TENM1: variants seen among roughly 807,000 people sequenced by gnomAD.
The protein encoded by TENM1 is teneurin transmembrane protein 1, also known as teneurin-1.
TENM1 carries 35 observed loss-of-function variants against 174.8 expected under a neutral mutation model. The ratio of observed to expected loss-of-function variants is 0.20; its 90% CI spans 0.15 to 0.27. TENM1 has a LOEUF of 0.27. TENM1 is among the 10% of genes least tolerant of loss of function. The probability of loss-of-function intolerance (pLI) is 1.00; values close to 1 mark genes in which losing one functional copy is unlikely to be tolerated. For missense variants in TENM1, 1,633 were observed against 2,130.1 expected, an observed-to-expected ratio of 0.77 and a Z score of 4.59; for synonymous variants, 781 against 798.7, an observed-to-expected ratio of 0.98 and a Z score of 0.37.
At chrX:125,136,486 G>A in the TENM1 span, among the ~76,000 whole-genome samples, 1 of 111,938 alleles carries the variant, frequency 8.9e-6, no homozygotes, top group African/African-American at 3.2e-5. Flanking sequence ...GAGCCTCAGA[G>A]AGGTTAAGTA....
At chrX:125,034,048 A>G in the TENM1 span, among the ~76,000 whole-genome samples, 3 of 111,512 alleles carry the variant, frequency 2.7e-5, no homozygotes, top group African/African-American at 9.8e-5. Context: ...CCCATTTTAT[A>G]GCTGTAGAAA....
the TENM1 span, among the ~76,000 whole-genome samples, chrX:125,008,912 G>T: frequency 2.3e-4 from 26 of 111,098 alleles, no homozygotes; most frequent in African/African-American, 7.9e-4. Flanking sequence ...TAGCACTAAA[G>T]GCCCACATCA....
In TENM1 at chrX:124,848,154, TTCTC is replaced by T. The variant is rs780739610; in HGVS notation, c.535+46138_535+46141del. 1.6e-3 allele frequency among the ~76,000 whole-genome samples: 180 copies of T among 111,271 alleles called. 1 individual carries two copies. The highest frequency in any genetic ancestry group is 5.7e-3 in the African/African-American group (176 of 30,669). ...TCACTCTCTAAATGAGCTATTCTCA[TTCTC>T]TCTTTCTTCCTCCCTCCCCACACAT... On this transcript the variant is annotated intron_variant, in intron 3 of 31. Transcript: ENST00000422452.
At chrX:125,104,206 A>G in the TENM1 span, among the ~76,000 whole-genome samples, 3 of 111,810 alleles carry the variant, frequency 2.7e-5, no homozygotes, top group Admixed American at 1.9e-4. Flanking sequence ...TTTAAGGGTC[A>G]GTGACATCCT....
At chrX:125,042,871 T>C in the TENM1 span, among the ~76,000 whole-genome samples, 57 of 111,233 alleles carry the variant, frequency 5.1e-4, no homozygotes, top group African/African-American at 1.8e-3. Context: ...TCTGGATGGA[T>C]GATAGGTGCC....
intron 15 of TENM1, among the ~76,000 whole-genome samples, chrX:124,545,677 C>A (rs757579499): frequency 2.7e-5 from 3 of 111,635 alleles, no homozygotes; most frequent in African/African-American, 9.8e-5. Context: ...TCTAAATAAT[C>A]ACTTTGACTA....
intron 4 of TENM1, among the ~76,000 whole-genome samples, chrX:124,711,840 C>A (rs2148505364): frequency 9.0e-6 from 1 of 111,316 alleles, no homozygotes; most frequent in East Asian, 2.8e-4. Context: ...ACACTATATC[C>A]CCATTAAACA....
At chrX:124,553,678 C>A (rs1484153143) in intron 14 of TENM1, among the ~76,000 whole-genome samples, 1 of 103,025 alleles carries the variant, frequency 9.7e-6, no homozygotes, top group South Asian at 4.5e-4. Context: ...CACCTTCTAT[C>A]ATAATATGTA....
intron 23 of TENM1, among the ~76,000 whole-genome samples, chrX:124,440,865 A>C (rs914754275): frequency 2.7e-5 from 3 of 111,529 alleles, no homozygotes; most frequent in Admixed American, 9.5e-5. Context: ...GCTCTGTGAC[A>C]GCATAATTTG....
chrX:124,981,873 G>GAAGCAACCAAGTGAACTAAAAATGT, the TENM1 span, among the ~76,000 whole-genome samples: 1 of 82,734 alleles, frequency 1.2e-5, no homozygotes, highest in Non-Finnish European at 2.2e-5. Flanking sequence ...GCAAAAACAG[G>GAAGCAACCAAGTGAACTAAAAATGT]TGCAGCGCAC....
chrX:124,492,740 G>C (rs1306551939), intron 20 of TENM1, among the ~76,000 whole-genome samples: 1 of 110,089 alleles, frequency 9.1e-6, no homozygotes, highest in African/African-American at 3.3e-5. Flanking sequence ...TTTTCTCCTT[G>C]AACCTAATGC....
At chrX:124,642,965 T>C (rs143402669) in intron 10 of TENM1, among the ~76,000 whole-genome samples, 1,229 of 112,079 alleles carry the variant, frequency 0.011, 10 homozygotes, top group Middle Eastern at 0.047. Context: ...GGGTGTGGCT[T>C]GGGTCTGTGG....
chrX:124,941,517 C>T (rs764839242), intron 1 of TENM1, among the ~76,000 whole-genome samples: 3 of 111,894 alleles, frequency 2.7e-5, no homozygotes, highest in Non-Finnish European at 5.6e-5. Context: ...TGTGATCACA[C>T]CAGTCTCAAA....
At chrX:124,427,199 G>T (rs1279116856) in intron 23 of TENM1, among the ~76,000 whole-genome samples, 1 of 112,191 alleles carries the variant, frequency 8.9e-6, no homozygotes, top group Non-Finnish European at 1.9e-5. Flanking sequence ...CCGAGGCCAG[G>T]GCAGAGGCTG....
chrX:124,618,724 C>A (rs758979352), intron 11 of TENM1, among the ~76,000 whole-genome samples: 3 of 112,017 alleles, frequency 2.7e-5, no homozygotes, highest in African/African-American at 9.7e-5. Flanking sequence ...TTCCATATTA[C>A]ACACCTGTTT....
At chrX:124,711,231 C>T (rs1343160072) in intron 4 of TENM1, among the ~76,000 whole-genome samples, 1 of 111,050 alleles carries the variant, frequency 9.0e-6, no homozygotes, top group Admixed American at 9.6e-5. Flanking sequence ...AATGATGAGA[C>T]CCAGTGGTGG....
chrX:124,764,226 G>A (rs1429619497), intron 3 of TENM1, among the ~76,000 whole-genome samples: 2 of 111,484 alleles, frequency 1.8e-5, no homozygotes, highest in African/African-American at 6.5e-5. Flanking sequence ...ATGAGTGCAG[G>A]CGTGGGGACA....
chrX:124,920,244 C>G (rs749977604), intron 1 of TENM1, among the ~76,000 whole-genome samples: 1 of 111,135 alleles, frequency 9.0e-6, no homozygotes, highest in South Asian at 3.7e-4. Flanking sequence ...TAAGCATAAA[C>G]ACTTTTTTGT....
At chrX:124,500,899 A>C (rs1234631513) in intron 19 of TENM1, among the ~76,000 whole-genome samples, 1 of 111,790 alleles carries the variant, frequency 8.9e-6, no homozygotes, top group Non-Finnish European at 1.9e-5. Context: ...GACTGAGAGG[A>C]TATAAACACA....
Sources: allele counts gnomAD v4.1 joint callset (sites outside exome capture counted in the v4.1 genomes callset), GRCh38; gene constraint gnomAD v4.1.1; transcripts MANE v1.5; gene names NCBI Gene and HGNC (gene_info 2026-07-23, HGNC 2026-07-21).